The following NR2F1-AS1 variants were observed in gnomAD, a reference collection of about 807,000 sequenced individuals.
The protein encoded by NR2F1-AS1 is NR2F1 antisense RNA 1.
At chr5:93,475,780 G>A (rs910992015) in intron 4 of NR2F1-AS1, among the ~76,000 whole-genome samples, 4 of 152,142 alleles carry the variant, frequency 2.6e-5, no homozygotes, top group African/African-American at 7.2e-5. Flanking sequence ...GAGCACACCT[G>A]TTTTGAAGGT....
chr5:93,508,778 A>G (rs944368158), intron 4 of NR2F1-AS1, among the ~76,000 whole-genome samples: 1 of 152,178 alleles, frequency 6.6e-6, no homozygotes, highest in Non-Finnish European at 1.5e-5. Context: ...TAAATGGACA[A>G]TAAACATACG....
chr5:93,573,665 C>A (rs1403764382), intron 1 of NR2F1-AS1, among the ~76,000 whole-genome samples: 1 of 152,168 alleles, frequency 6.6e-6, no homozygotes, highest in South Asian at 2.1e-4. Flanking sequence ...GAAAAGTGCG[C>A]GACTAAAGAG....
intron 4 of NR2F1-AS1, among the ~76,000 whole-genome samples, chr5:93,551,311 C>G (rs952750441): frequency 4.6e-5 from 7 of 152,058 alleles, no homozygotes; most frequent in African/African-American, 1.7e-4. Context: ...CTAGTTAATA[C>G]CAGAAACCTT....
At chr5:93,585,566 G>T, upstream of NR2F1-AS1, 1 of 1,156,776 alleles carries the variant, frequency 8.6e-7, no homozygotes, top group Non-Finnish European at 1.2e-6. Flanking sequence ...CCGGGTGGTT[G>T]CTGTGTGGGG....
At chr5:93,441,687 G>C (rs191149434) in intron 4 of NR2F1-AS1, among the ~76,000 whole-genome samples, 62 of 152,296 alleles carry the variant, frequency 4.1e-4, no homozygotes, top group African/African-American at 1.4e-3. Context: ...CATCACTGTG[G>C]AGATAAATCC....
At chr5:93,561,631 G>T (rs984474967) in intron 2 of NR2F1-AS1, among the ~76,000 whole-genome samples, 1 of 151,928 alleles carries the variant, frequency 6.6e-6, no homozygotes, top group Non-Finnish European at 1.5e-5. Flanking sequence ...AAATTAACTG[G>T]GCATAATGGC....
intron 4 of NR2F1-AS1, among the ~76,000 whole-genome samples, chr5:93,495,828 T>C (rs148407126): frequency 1.7e-3 from 257 of 152,272 alleles, no homozygotes; most frequent in African/African-American, 5.9e-3. Flanking sequence ...CTAACATCAC[T>C]AGTTATCGCT....
At chr5:93,530,033 A>C (rs577817533) in intron 4 of NR2F1-AS1, among the ~76,000 whole-genome samples, 1 of 151,176 alleles carries the variant, frequency 6.6e-6, no homozygotes, top group East Asian at 1.9e-4. Context: ...CATTATTTCT[A>C]ATTTAGATTA....
intron 4 of NR2F1-AS1, among the ~76,000 whole-genome samples, chr5:93,455,110 C>A (rs1419695306): frequency 6.6e-6 from 1 of 152,132 alleles, no homozygotes; most frequent in Non-Finnish European, 1.5e-5. Flanking sequence ...TGGCTGGCAT[C>A]TGAAGTGAAG....
chr5:93,585,186 C>T, upstream of NR2F1-AS1: 1 of 1,518,194 alleles, frequency 6.6e-7, no homozygotes, highest in South Asian at 1.2e-5. Context: ...GCCGCAGACC[C>T]CGGGCCAGCC....
chr5:93,496,699 T>A lies in NR2F1-AS1; in HGVS notation n.638+57062A>T, dbSNP rs531110511. 2.6e-5 allele frequency among the ~76,000 whole-genome samples: 4 copies of A among 152,318 alleles called. No homozygotes were observed. In the East Asian group the frequency reaches 5.8e-4, roughly 22 times the overall value. ...TGCTCCCAGCCATTCTTAATTTACA[T>A]ACCACAATTTTTGTGATTATTTTTT... On this transcript the variant is annotated intron_variant and non_coding_transcript_variant, in intron 4 of 5. Coordinates refer to ENST00000660523, the Ensembl canonical transcript of NR2F1-AS1.
chr5:93,502,107 T>A (rs1278480237), intron 4 of NR2F1-AS1, among the ~76,000 whole-genome samples: 1 of 152,208 alleles, frequency 6.6e-6, no homozygotes, highest in African/African-American at 2.4e-5. Flanking sequence ...TTTTTAGACA[T>A]AATGTTTTTC....
At chr5:93,424,075 G>A (rs1000456738) in intron 4 of NR2F1-AS1, among the ~76,000 whole-genome samples, 13 of 152,042 alleles carry the variant, frequency 8.6e-5, no homozygotes, top group African/African-American at 2.9e-4. Context: ...ACTATTGCTA[G>A]CTGGAGTAAG....
At chr5:93,574,004 C>T (rs1752837375) in intron 1 of NR2F1-AS1, among the ~76,000 whole-genome samples, 1 of 152,220 alleles carries the variant, frequency 6.6e-6, no homozygotes, top group Non-Finnish European at 1.5e-5. Context: ...CTGACAGTTC[C>T]TCCAACTAAA....
chr5:93,458,689 T>C (rs1340395651), intron 4 of NR2F1-AS1, among the ~76,000 whole-genome samples: 2 of 152,046 alleles, frequency 1.3e-5, no homozygotes, highest in Non-Finnish European at 2.9e-5. Flanking sequence ...AAGTAAAAAC[T>C]TTTGTTTTTC....
chr5:93,515,047 C>T (rs1392325946), intron 4 of NR2F1-AS1, among the ~76,000 whole-genome samples: 2 of 151,788 alleles, frequency 1.3e-5, no homozygotes, highest in African/African-American at 4.8e-5. Context: ...CTTTATTTGG[C>T]AAGCTTCTTA....
At chr5:93,422,275 C>G (rs1749105276) in intron 4 of NR2F1-AS1, 1 of 152,338 alleles carries the variant, frequency 6.6e-6, no homozygotes, top group Admixed American at 6.5e-5. Context: ...GCAGGCCCGC[C>G]TGACTCACTC....
chr5:93,566,331 T>C (rs1029341873), intron 1 of NR2F1-AS1, among the ~76,000 whole-genome samples: 1 of 151,954 alleles, frequency 6.6e-6, no homozygotes, highest in South Asian at 2.1e-4. Context: ...ACTACTACCA[T>C]AGCACAATAG....
At chr5:93,583,690 T>A (rs1411362439), upstream of NR2F1-AS1, 2 of 152,076 alleles carry the variant, frequency 1.3e-5, no homozygotes, top group Non-Finnish European at 2.9e-5. Flanking sequence ...TCTCCAGGGT[T>A]TTTTTAACTA....
Sources: gnomAD v4.1 joint callset for allele counts (sites outside exome capture counted in the v4.1 genomes callset) on GRCh38, gnomAD v4.1.1 for gene constraint, MANE v1.5 for transcripts, NCBI Gene and HGNC (gene_info 2026-07-23, HGNC 2026-07-21) for gene names.